Variants in TMTC3 observed in about 807,000 individuals in gnomAD.
TMTC3 encodes transmembrane O-mannosyltransferase targeting cadherins 3.
Under a neutral mutation model 92.2 loss-of-function variants are expected in TMTC3, and 52 were observed. The observed-to-expected ratio is 0.56, with a 90% CI of 0.45 to 0.71. The LOEUF (loss-of-function observed/expected upper bound fraction) is 0.71, where lower values mean the gene tolerates loss of function less well. TMTC3 is among the 30% of genes least tolerant of loss of function. TMTC3 has a pLI of 0.00. For synonymous variants in TMTC3, 339 were observed against 363.3 expected, an observed-to-expected ratio of 0.93 and a Z score of 0.76; for missense variants, 896 against 1,057.1, an observed-to-expected ratio of 0.85 and a Z score of 2.11.
rs1339782414 is a variant in TMTC3, at chr12:88,162,204, C to T, written c.797+1353C>T. The stretch of plus-strand genomic sequence containing the variant: ...TTGTTTTCAGTGGGAAAACCTCTAT[C>T]ATCCTTATCTCTTTATGCTAATGTA... On this transcript the variant is annotated intron_variant, in intron 6 of 13. Transcript: ENST00000266712. Among the ~76,000 whole-genome samples the T allele has an allele frequency of 2.0e-5, 3 of 152,128 alleles. No homozygotes were observed. The East Asian group carries it at 5.8e-4, about 29-fold the overall frequency.
At chr12:88,156,042 G>A (rs560781352) in intron 4 of TMTC3, among the ~76,000 whole-genome samples, 3 of 152,106 alleles carry the variant, frequency 2.0e-5, no homozygotes, top group Non-Finnish European at 2.9e-5. Context: ...CCTGGGAGGC[G>A]GAGGTAGCAG....
intron 10 of TMTC3, among the ~76,000 whole-genome samples, chr12:88,183,643 C>G (rs2041343350): frequency 6.6e-6 from 1 of 152,040 alleles, no homozygotes; most frequent in Non-Finnish European, 1.5e-5. Context: ...CAAAGCAGCC[C>G]TAACTAAGGG....
At position 88,194,783 on chromosome 12, in the gene TMTC3, C is replaced by T. The variant is rs530729607; in HGVS notation, c.1934-55C>T. The T allele has an allele frequency of 1.3e-4, 147 of 1,148,238 alleles. 2 individuals are homozygous for T. The African/African-American group carries it at 2.1e-3, about 16-fold the overall frequency. The allele number at this position is 1,148,238 out of a possible 1,614,324, so 71.1% of individuals were successfully genotyped here. A position where few individuals can be genotyped will look rare whatever the true frequency, so the allele number is the denominator to read the frequency against. On this transcript the variant is annotated intron_variant, in intron 13 of 13. Transcript: ENST00000266712. Reference sequence around the variant, plus strand: ...TAAGTATTTGAAAATGGCTTTGTTCCTCACATTTAATTATTTTATTAACAA... The same window carrying T: ...TAAGTATTTGAAAATGGCTTTGTTCTTCACATTTAATTATTTTATTAACAA...
intron 2 of TMTC3, among the ~76,000 whole-genome samples, chr12:88,149,176 A>G (rs967112726): frequency 6.6e-6 from 1 of 152,150 alleles, no homozygotes; most frequent in Non-Finnish European, 1.5e-5. Flanking sequence ...TTTAGGTTAT[A>G]TATCGAGAAC....
chr12:88,158,817 C>T (rs1306587457), intron 4 of TMTC3, among the ~76,000 whole-genome samples: 7 of 151,912 alleles, frequency 4.6e-5, no homozygotes, highest in South Asian at 2.1e-4. Flanking sequence ...TTTGGGAGGC[C>T]GAGGTGGGCG....
At chr12:88,158,846 G>A (rs931767360) in intron 4 of TMTC3, among the ~76,000 whole-genome samples, 1 of 152,032 alleles carries the variant, frequency 6.6e-6, no homozygotes, top group Non-Finnish European at 1.5e-5. Context: ...GAGGTCGGGA[G>A]TTCAAGACCA....
Position 88,153,467 on chromosome 12 carries a change from T to G in TMTC3, c.366T>G (p.Ile122Met), listed in dbSNP as rs1288453999. 1.2e-6 allele frequency: 2 copies of G among 1,613,270 alleles called. No individual in the cohort carries two copies. The highest frequency in any genetic ancestry group is 2.2e-5 in the East Asian group (1 of 44,830). ...KLFLDNKSSV[I>M]ASLLFAVHPI... ...TTCTGGACAACAAGAGTAGTGTGATTGCTTCTTTACTTTTTGCAGTGCACC... is the reference window on the plus strand; with the variant it reads ...TTCTGGACAACAAGAGTAGTGTGATGGCTTCTTTACTTTTTGCAGTGCACC... The change falls in exon 3 of 14, where the codon ATT (isoleucine) becomes ATG (methionine). Residue 122 changes from isoleucine (I) to methionine (M), a missense_variant. By Grantham distance (10) the Ile-to-Met change is conservative. Transcript: ENST00000266712.
chr12:88,160,075 G>A (rs1467447552), intron 4 of TMTC3, 39 bp from the exon 5 acceptor site: 1 of 1,348,670 alleles, frequency 7.4e-7, no homozygotes, highest in African/African-American at 1.5e-5. Context: ...TTATAAAATT[G>A]TTTTCTGAAT....
At chr12:88,173,900 T>G (rs1334563879) in intron 8 of TMTC3, among the ~76,000 whole-genome samples, 1 of 152,142 alleles carries the variant, frequency 6.6e-6, no homozygotes, top group Non-Finnish European at 1.5e-5. Context: ...CACATCTGAC[T>G]GCTTCCAATG....
chr12:88,190,519 G>T lies in TMTC3; in HGVS notation c.1603G>T (p.Ala535Ser). 1.2e-6 allele frequency: 2 copies of T among 1,613,764 alleles called. No individual in the cohort carries two copies. The highest frequency in any genetic ancestry group is 1.7e-6 in the Non-Finnish European group (2 of 1,179,884). Residue 535 changes from alanine to serine, a missense_variant, in exon 12 of 14, where the codon GCT becomes TCT. Physicochemically the swap from Ala to Ser is moderately conservative, Grantham distance 99. Transcript: ENST00000266712. ...CCACCTAAATGTTTATATCAATCTG[G>T]CTAACCTGATCCGAGCAAATGAGTC... ...PNHLNVYINL[A>S]NLIRANESRL...
chr12:88,169,475 T>C (rs2138400433), intron 7 of TMTC3, among the ~76,000 whole-genome samples: 1 of 152,182 alleles, frequency 6.6e-6, no homozygotes, highest in East Asian at 1.9e-4. Context: ...ATTTTCAGTA[T>C]AGTCCTAATA....
chr12:88,191,287 A>G (rs1195209138), intron 12 of TMTC3, among the ~76,000 whole-genome samples: 1 of 152,120 alleles, frequency 6.6e-6, no homozygotes, highest in East Asian at 1.9e-4. Context: ...CGCCGTGCCT[A>G]TTGAGTTTAT....
In TMTC3 at chr12:88,195,750, G is replaced by T; in HGVS notation, c.*101G>T. 4.2e-6 allele frequency: 4 copies of T among 946,378 alleles called. No homozygotes were observed. The South Asian group carries it at 7.5e-5, about 18-fold the overall frequency. 58.6% of individuals were successfully genotyped at this position (946,378 alleles called of 1,614,324 possible). On this transcript the variant is annotated 3_prime_UTR_variant, in exon 14 of 14. Transcript: ENST00000266712. ...AAAAAAAGTTCAAGGGTTCCTAATG[G>T]TCAATCATGAGCTGCCTTGAAGTAG... is the stretch of plus-strand genomic sequence containing the variant.
Position 88,174,641 on chromosome 12 carries a change from A to G in TMTC3, c.1234A>G (p.Met412Val), listed in dbSNP as rs546211027. ...AAAGCTATCCTGGATTTGTCTGTCT[A>G]TGGTGATACTCACTCATTCCTTAAA... ...FKKLSWICLS[M>V]VILTHSLKTF... Residue 412 changes from methionine (M) to valine (V), a missense_variant, in exon 9 of 14, where the codon ATG (methionine) becomes GTG (valine). Coordinates refer to ENST00000266712, the MANE Select transcript of TMTC3 (RefSeq NM_181783.4). 11 of 1,612,244 alleles carry G rather than the reference A, an allele frequency of 6.8e-6. No homozygotes were observed. Among genetic ancestry groups the G allele is most frequent in the Admixed American group, 1.7e-5 (1 of 59,878 alleles).
At chr12:88,171,552 A>G (rs1298609991) in intron 7 of TMTC3, among the ~76,000 whole-genome samples, 1 of 152,152 alleles carries the variant, frequency 6.6e-6, no homozygotes, top group Non-Finnish European at 1.5e-5. Context: ...TTAAGGCTAA[A>G]TAGTATTCTA....
intron 6 of TMTC3, among the ~76,000 whole-genome samples, chr12:88,163,531 A>G (rs1193697661): frequency 6.6e-6 from 1 of 152,218 alleles, no homozygotes; most frequent in Non-Finnish European, 1.5e-5. Flanking sequence ...ATACCAAATC[A>G]GTATGTCAGC....
At chr12:88,176,383 G>A in intron 10 of TMTC3, 64 bp downstream of exon 10, 2 of 1,198,122 alleles carry the variant, frequency 1.7e-6, no homozygotes, top group Non-Finnish European at 2.4e-6. Context: ...TTATCCTTGG[G>A]GGAAATAAGG....
intron 8 of TMTC3, among the ~76,000 whole-genome samples, chr12:88,174,180 A>G (rs561925106): frequency 2.0e-5 from 3 of 152,100 alleles, no homozygotes; most frequent in Non-Finnish European, 4.4e-5. Context: ...AACCAAAAAT[A>G]TCATGATAGT....
At chr12:88,176,435 G>C in intron 10 of TMTC3, 116 bp downstream of exon 10, 1 of 676,600 alleles carries the variant, frequency 1.5e-6, no homozygotes, top group Non-Finnish European at 2.4e-6. Context: ...TTGAATACTA[G>C]AGTTCAGTGC....
Sources: gnomAD v4.1 joint callset for allele counts (sites outside exome capture counted in the v4.1 genomes callset) on GRCh38, gnomAD v4.1.1 for gene constraint, MANE v1.5 for transcripts, NCBI Gene and HGNC (gene_info 2026-07-23, HGNC 2026-07-21) for gene names.